Variants in STAU1 observed in about 807,000 individuals in gnomAD.
STAU1 encodes the protein staufen double-stranded RNA binding protein 1, also known as double-stranded RNA-binding protein Staufen homolog 1.
STAU1 carries 13 observed loss-of-function variants against 62.9 expected under a neutral mutation model. That is an observed-to-expected ratio of 0.21 (90% CI 0.13 to 0.33). The LOEUF is 0.33. Among genes scored for constraint, STAU1 ranks in the 10% least tolerant of loss-of-function variants. The pLI is 1.00. For missense variants in STAU1, 571 were observed against 712.1 expected (o/e 0.80, Z 2.25); for synonymous variants, 269 against 265.1 (o/e 1.01, Z -0.14).
chr20:49,134,453 C>A (rs2146019254), intron 6 of STAU1: 25 of 555,110 alleles, frequency 4.5e-5, no homozygotes, highest in Non-Finnish European at 6.4e-5. Flanking sequence ...AAAAAAAGCT[C>A]TGGGTTGAAA....
At chr20:49,180,326 T>C (rs1400098523) in intron 1 of STAU1, among the ~76,000 whole-genome samples, 1 of 80,904 alleles carries the variant, frequency 1.2e-5, no homozygotes, top group Non-Finnish European at 2.6e-5. Flanking sequence ...GTTCTTTTTT[T>C]TTTTTTCCCC....
At chr20:49,209,438 TA>T in the STAU1 span, among the ~76,000 whole-genome samples, 386 of 119,100 alleles carry the variant, frequency 3.2e-3, no homozygotes, top group African/African-American at 6.4e-3. Flanking sequence ...TCTGTACAGT[TA>T]AAAAAAAAAA....
intron 1 of STAU1, among the ~76,000 whole-genome samples, chr20:49,181,763 C>CAAAAAAAAAAAAAAAAAAAAAAAAA: frequency 1.5e-5 from 1 of 66,702 alleles, no homozygotes; most frequent in Non-Finnish European, 2.8e-5. Context: ...AAGACTATCT[C>CAAAAAAAAAAAAAAAAAAAAAAAAA]AACAAAAAAA....
chr20:49,134,449 A>AAAAAAAAAAAAAAAAAAAAAGG (rs2092828055), intron 6 of STAU1: 1 of 609,620 alleles, frequency 1.6e-6, no homozygotes, highest in Non-Finnish European at 2.9e-6. Flanking sequence ...AAAAAAAAAA[A>AAAAAAAAAAAAAAAAAAAAAGG]GCTCTGGGTT....
At chr20:49,205,046 C>G in the STAU1 span, among the ~76,000 whole-genome samples, 1 of 152,046 alleles carries the variant, frequency 6.6e-6, no homozygotes, top group Non-Finnish European at 1.5e-5. Flanking sequence ...AGGAGAGAAG[C>G]AGTGATCATG....
intron 6 of STAU1, among the ~76,000 whole-genome samples, chr20:49,129,566 C>G (rs1286409744): frequency 6.6e-6 from 1 of 151,176 alleles, no homozygotes; most frequent in Non-Finnish European, 1.5e-5. Context: ...AGCAACTAAG[C>G]CTCTCTCATA....
At chr20:49,152,376 T>G (rs1459889330) in intron 4 of STAU1, among the ~76,000 whole-genome samples, 1 of 147,164 alleles carries the variant, frequency 6.8e-6, no homozygotes, top group Admixed American at 6.9e-5. Flanking sequence ...ATGGAGTTTC[T>G]CTTGTTGCCC....
At chr20:49,155,067 CAA>C (rs1469065838) in intron 3 of STAU1, among the ~76,000 whole-genome samples, 11 of 143,612 alleles carry the variant, frequency 7.7e-5, no homozygotes, top group African/African-American at 3.0e-4. Flanking sequence ...GATGAGGAAA[CAA>C]GAGCAAAACT....
At chr20:49,192,262 C>A (rs1373867020), upstream of STAU1, among the ~76,000 whole-genome samples, 1 of 149,784 alleles carries the variant, frequency 6.7e-6, no homozygotes, top group Non-Finnish European at 1.5e-5. Context: ...AGGAGAATGG[C>A]GTGAACCCAG....
chr20:49,187,527 C>G lies in STAU1; in HGVS notation c.-160+589G>C, dbSNP rs961268605. 2.0e-5 allele frequency among the ~76,000 whole-genome samples: 3 copies of G among 152,162 alleles called. No individual in the cohort carries two copies. In the South Asian group the frequency reaches 6.2e-4, roughly 32 times the overall value. ...ATTATGCAGACGGTTTACTGGGACA[C>G]GCTGTGGGTCTGGCACTCTGATAAG... On this transcript the variant is annotated intron_variant, in intron 1 of 13. Transcript: ENST00000371856.
chr20:49,201,400 T>C, the STAU1 span, among the ~76,000 whole-genome samples: 4 of 152,116 alleles, frequency 2.6e-5, no homozygotes, highest in African/African-American at 9.7e-5. Context: ...CCAAAAGAAC[T>C]GCACATTGAC....
chr20:49,128,490 G>C (rs1407154503), intron 6 of STAU1, among the ~76,000 whole-genome samples: 1 of 152,068 alleles, frequency 6.6e-6, no homozygotes, highest in Non-Finnish European at 1.5e-5. Flanking sequence ...TGGAGGAATG[G>C]CCAAGACCAT....
rs1171534142 is a variant in STAU1, at chr20:49,125,198, C to CAAAAAAAAAAAAA, written c.610-624_610-612dup. ...ACACACATTTATAAGCTCATTTTTG[C>CAAAAAAAAAAAAA]AAAAAAAAAAAAAAAAAAAAAAAAA... On this transcript the variant is annotated intron_variant, in intron 6 of 13. Coordinates refer to ENST00000371856, the MANE Select transcript of STAU1 (RefSeq NM_017453.4). Among the ~76,000 whole-genome samples the CAAAAAAAAAAAAA allele has an allele frequency of 2.0e-3, 67 of 33,734 alleles. 3 individuals carry two copies. The highest frequency in any genetic ancestry group is 4.2e-3 in the East Asian group (3 of 720). 22.1% of individuals were successfully genotyped at this position (33,734 alleles called of 152,430 possible). A position where few individuals can be genotyped will look rare whatever the true frequency, so the allele number is the denominator to read the frequency against.
intron 3 of STAU1, chr20:49,158,465 T>C: frequency 7.7e-7 from 1 of 1,304,764 alleles, no homozygotes; most frequent in Non-Finnish European, 1.0e-6. Flanking sequence ...TTGTAGGTCT[T>C]ACTTTTAGGA....
chr20:49,115,025 T>C, intron 13 of STAU1, 132 bp from the exon 14 acceptor site: 1 of 910,462 alleles, frequency 1.1e-6, no homozygotes, highest in Non-Finnish European at 1.7e-6. Flanking sequence ...ATAACAAAAG[T>C]TTTCCCAGGG....
At chr20:49,137,161 ACTCT>A (rs1323366898) in intron 5 of STAU1, among the ~76,000 whole-genome samples, 1 of 152,018 alleles carries the variant, frequency 6.6e-6, no homozygotes, top group Non-Finnish European at 1.5e-5. Context: ...GGCAACAAAG[ACTCT>A]CTATCTCTAT....
intron 3 of STAU1, chr20:49,158,417 T>C (rs2093397323): frequency 7.7e-7 from 1 of 1,304,008 alleles, no homozygotes; most frequent in South Asian, 1.2e-5. Context: ...TTTGGTGCCT[T>C]AAGGGGTGAG....
chr20:49,168,106 G>A (rs1316203694), intron 2 of STAU1, among the ~76,000 whole-genome samples: 1 of 148,448 alleles, frequency 6.7e-6, no homozygotes, highest in African/African-American at 2.5e-5. Flanking sequence ...TTTTTTCCGA[G>A]ACAGAGCTTT....
chr20:49,144,249 C>T lies in STAU1; in HGVS notation c.510+7333G>A, dbSNP rs2093072472. On this transcript the variant is annotated intron_variant, in intron 5 of 13. Transcript: ENST00000371856. ...ATAAGTGGTAAGAAATAAATGTTGG[C>T]GGCCAAACATAAAAGATAAAAGAAT... is the stretch of plus-strand genomic sequence containing the variant. 2.0e-5 allele frequency among the ~76,000 whole-genome samples: 3 copies of T among 151,662 alleles called. No homozygotes were observed. In the South Asian group the frequency reaches 6.3e-4, roughly 32 times the overall value.
Sources: gnomAD v4.1 joint callset for allele counts (sites outside exome capture counted in the v4.1 genomes callset) on GRCh38, gnomAD v4.1.1 for gene constraint, MANE v1.5 for transcripts, NCBI Gene and HGNC (gene_info 2026-07-23, HGNC 2026-07-21) for gene names.